The following WFDC1 variants were observed in gnomAD, a reference collection of about 807,000 sequenced individuals.
WFDC1 encodes WAP four-disulfide core domain 1, also known as WAP four-disulfide core domain protein 1.
Under a neutral mutation model 32.9 loss-of-function variants are expected in WFDC1, and 39 were observed. The observed-to-expected ratio is 1.19, with a 90% CI of 0.92 to 1.55. WFDC1 has a LOEUF of 1.55. WFDC1 is among the 40% of genes most tolerant of loss of function. The pLI, the probability that WFDC1 is intolerant of heterozygous loss-of-function variation, is 0.00. For missense variants in WFDC1, 386 were observed against 309.5 expected (o/e 1.25, Z -1.85); for synonymous variants, 184 against 137.4 (o/e 1.34, Z -2.37).
chr16:84,307,175 C>T (rs1567654252), intron 1 of WFDC1, among the ~76,000 whole-genome samples: 1 of 152,058 alleles, frequency 6.6e-6, no homozygotes, highest in African/African-American at 2.4e-5. Context: ...CAATTCCAGT[C>T]CGACCTCTAG....
At chr16:84,319,204 C>T in intron 3 of WFDC1, 2 of 566,284 alleles carry the variant, frequency 3.5e-6, no homozygotes, top group East Asian at 3.0e-5. Context: ...ATCAGGTGAG[C>T]TTGGACTGCC....
intron 1 of WFDC1, among the ~76,000 whole-genome samples, chr16:84,310,973 G>A (rs2151374233): frequency 6.6e-6 from 1 of 152,322 alleles, no homozygotes; most frequent in Admixed American, 6.5e-5. Context: ...GAACAGTTTA[G>A]GCAGAGGCCA....
intron 1 of WFDC1, among the ~76,000 whole-genome samples, chr16:84,308,731 C>G (rs1385498720): frequency 1.3e-5 from 2 of 151,832 alleles, no homozygotes; most frequent in Non-Finnish European, 2.9e-5. Flanking sequence ...AGATGCCAGC[C>G]TGGGTGTAGA....
Position 84,311,160 on chromosome 16 carries a change from G to T in WFDC1, c.145-1801G>T, listed in dbSNP as rs1204457584. 5.9e-5 allele frequency among the ~76,000 whole-genome samples: 9 copies of T among 152,178 alleles called. 1 individual carries two copies. The South Asian group carries it at 1.9e-3, about 32-fold the overall frequency. On this transcript the variant is annotated intron_variant, in intron 1 of 6. Coordinates refer to ENST00000219454, the MANE Select transcript of WFDC1 (RefSeq NM_021197.4). ...CAGGGGACCCAGGGCAGTTTGCCTG[G>T]TGGCTTAAACTTTCTCGGTCTTACC...
At chr16:84,308,925 C>T (rs1356711419) in intron 1 of WFDC1, among the ~76,000 whole-genome samples, 2 of 152,056 alleles carry the variant, frequency 1.3e-5, no homozygotes, top group East Asian at 3.9e-4. Flanking sequence ...GCATAGATGC[C>T]ATCCTGGGTG....
intron 1 of WFDC1, among the ~76,000 whole-genome samples, chr16:84,308,824 AGTGTAGATGCCAGCCTGG>A (rs368043327): frequency 0.14 from 20,482 of 150,262 alleles, 1,575 homozygotes; most frequent in African/African-American, 0.15. Flanking sequence ...TGCCATCCTC[AGTGTAGATGCCAGCCTGG>A]GTGTAGATGC....
At position 84,324,654 on chromosome 16, in the gene WFDC1, C is replaced by T. The variant is rs244788; in HGVS notation, c.604+194C>T. ...TTGTGAGTCACAGAGGAGCTCATGGCAAACATGACCTCATGCTGAAGAGCA... is the reference window on the plus strand; with the variant it reads ...TTGTGAGTCACAGAGGAGCTCATGGTAAACATGACCTCATGCTGAAGAGCA... On this transcript the variant is annotated intron_variant, in intron 5 of 6. Transcript: ENST00000219454. Among the ~76,000 whole-genome samples the T allele has an allele frequency of 0.56, 85,106 of 151,938 alleles. 24,766 individuals are homozygous for T. The highest frequency in any genetic ancestry group is 0.7 in the East Asian group (3,634 of 5,156).
intron 1 of WFDC1, among the ~76,000 whole-genome samples, chr16:84,299,502 T>C (rs1906808555): frequency 6.6e-6 from 1 of 152,244 alleles, no homozygotes; most frequent in Non-Finnish European, 1.5e-5. Context: ...CAGTCGGTTC[T>C]GTGGACTTGG....
At chr16:84,306,044 A>AATAATAAT (rs1409274133) in intron 1 of WFDC1, among the ~76,000 whole-genome samples, 5 of 139,222 alleles carry the variant, frequency 3.6e-5, no homozygotes, top group African/African-American at 1.4e-4. Flanking sequence ...TAATAATAAT[A>AATAATAAT]ATAAAAGGAA....
At chr16:84,320,180 C>T (rs1908225845) in intron 4 of WFDC1, among the ~76,000 whole-genome samples, 1 of 152,124 alleles carries the variant, frequency 6.6e-6, no homozygotes, top group Non-Finnish European at 1.5e-5. Context: ...ATAAAATAGG[C>T]TTTGTGTTAG....
chr16:84,315,161 A>G (rs1388070338), intron 2 of WFDC1, among the ~76,000 whole-genome samples: 2 of 152,218 alleles, frequency 1.3e-5, no homozygotes, highest in East Asian at 3.9e-4. Flanking sequence ...GGGGTCCTTC[A>G]TTGCCAGGAA....
At chr16:84,310,189 T>G (rs1907527868) in intron 1 of WFDC1, among the ~76,000 whole-genome samples, 3 of 147,058 alleles carry the variant, frequency 2.0e-5, no homozygotes, top group Non-Finnish European at 3.0e-5. Context: ...CAAGGGAGGG[T>G]GGGTGTGGGA....
intron 1 of WFDC1, among the ~76,000 whole-genome samples, chr16:84,299,306 G>T (rs899714698): frequency 6.6e-6 from 1 of 151,894 alleles, no homozygotes; most frequent in East Asian, 1.9e-4. Flanking sequence ...CGGAGGTTGC[G>T]GTGAGCCGAG....
At chr16:84,296,632 C>T (rs113471913) in intron 1 of WFDC1, among the ~76,000 whole-genome samples, 135 of 152,238 alleles carry the variant, frequency 8.9e-4, no homozygotes, top group African/African-American at 3.1e-3. Flanking sequence ...TCTCCATGTT[C>T]GGCACATGCT....
chr16:84,322,620 C>T (rs1299769921), intron 4 of WFDC1, among the ~76,000 whole-genome samples: 4 of 152,188 alleles, frequency 2.6e-5, no homozygotes, highest in South Asian at 2.1e-4. Context: ...GGCCCTGTGC[C>T]GACACCTAAG....
chr16:84,329,375 A>C lies in WFDC1; in HGVS notation c.*69A>C, dbSNP rs1244533987. 3 of 151,882 alleles carry C rather than the reference A, an allele frequency of 2.0e-5. No individual in the cohort carries two copies. The highest frequency in any genetic ancestry group is 7.3e-5 in the African/African-American group (3 of 41,116). 9.4% of individuals were successfully genotyped at this position (151,882 alleles called of 1,614,324 possible). A position where few individuals can be genotyped will look rare whatever the true frequency, so the allele number is the denominator to read the frequency against. The stretch of plus-strand genomic sequence containing the variant: ...CTGCTAAGCCTTGGAAACAGTTGGG[A>C]AAAGTAGTTTGACCCTCACAGTTCA... On this transcript the variant is annotated 3_prime_UTR_variant, in exon 7 of 7. Transcript: ENST00000219454.
Position 84,295,134 on chromosome 16 carries a change from G to C in WFDC1, c.144+19G>C, listed in dbSNP as rs202228139. 11 of 1,612,628 alleles carry C rather than the reference G, an allele frequency of 6.8e-6. No individual in the cohort carries two copies. In the African/African-American group the frequency reaches 1.5e-4, roughly 22 times the overall value. ...ATCCCGTGTAAGTGCCTGGGATGGGGAGGCTGGGGCAGCCTGTGTGGGTGG... is the reference window on the plus strand; with the variant it reads ...ATCCCGTGTAAGTGCCTGGGATGGGCAGGCTGGGGCAGCCTGTGTGGGTGG... On this transcript the variant is annotated intron_variant, in intron 1 of 6. Transcript: ENST00000219454.
At chr16:84,307,698 A>G (rs891757961) in intron 1 of WFDC1, among the ~76,000 whole-genome samples, 4 of 152,180 alleles carry the variant, frequency 2.6e-5, no homozygotes, top group Non-Finnish European at 4.4e-5. Flanking sequence ...CGGAAAAATA[A>G]GCCGCCCCCT....
intron 1 of WFDC1, among the ~76,000 whole-genome samples, chr16:84,296,387 C>T (rs1370680315): frequency 6.6e-6 from 1 of 152,190 alleles, no homozygotes; most frequent in Non-Finnish European, 1.5e-5. Context: ...ACGCCTGGTA[C>T]ATTCTTGTGG....
Sources: gnomAD v4.1 joint callset for allele counts (sites outside exome capture counted in the v4.1 genomes callset) on GRCh38, gnomAD v4.1.1 for gene constraint, MANE v1.5 for transcripts, NCBI Gene and HGNC (gene_info 2026-07-23, HGNC 2026-07-21) for gene names.